KCNIP4: variants seen among roughly 807,000 people sequenced by gnomAD.
KCNIP4 encodes Kv channel-interacting protein 4.
In KCNIP4, 12 loss-of-function variants were observed where a neutral mutation model predicts 34.0. The observed-to-expected ratio is 0.35, with a 90% CI of 0.23 to 0.57. The LOEUF (loss-of-function observed/expected upper bound fraction) is 0.57, where lower values mean the gene tolerates loss of function less well. Among genes scored for constraint, KCNIP4 ranks in the 20% least tolerant of loss-of-function variants. The pLI, the probability that KCNIP4 is intolerant of heterozygous loss-of-function variation, is 0.83. For missense variants in KCNIP4, 238 were observed against 311.7 expected, an observed-to-expected ratio of 0.76 and a Z score of 1.78; for synonymous variants, 124 against 102.2, an observed-to-expected ratio of 1.21 and a Z score of -1.29.
intron 1 of KCNIP4, among the ~76,000 whole-genome samples, chr4:21,776,818 G>A (rs1719210036): frequency 1.3e-5 from 2 of 151,928 alleles, no homozygotes; most frequent in African/African-American, 4.8e-5. Context: ...ACCCAAGCTG[G>A]AGTATACAAT....
intron 1 of KCNIP4, among the ~76,000 whole-genome samples, chr4:21,830,021 G>C (rs1722885996): frequency 6.6e-6 from 1 of 151,996 alleles, no homozygotes; most frequent in Non-Finnish European, 1.5e-5. Flanking sequence ...AATTTAAATG[G>C]ATTAAATTAT....
chr4:20,871,489 G>T (rs1352007681), intron 2 of KCNIP4, among the ~76,000 whole-genome samples: 1 of 152,006 alleles, frequency 6.6e-6, no homozygotes, highest in Non-Finnish European at 1.5e-5. Context: ...AAGGGCCAGG[G>T]AGTGGCAGGG....
rs183886190 is a variant in KCNIP4 at position 21,657,102 on chromosome 4, C to T, written c.61+291469G>A. Among the ~76,000 whole-genome samples the T allele has an allele frequency of 2.6e-5, 4 of 152,274 alleles. No homozygotes were observed. In the East Asian group the frequency reaches 7.7e-4, roughly 29 times the overall value. The stretch of plus-strand genomic sequence containing the variant: ...CAGCTAGTGTGATGAATAATAATAA[C>T]AGTAATAATAGCTGAGAAATATTAA... On this transcript the variant is annotated intron_variant, in intron 1 of 8. Coordinates refer to ENST00000382152, the MANE Select transcript of KCNIP4 (RefSeq NM_025221.6).
chr4:20,989,571 C>T (rs979719319), intron 1 of KCNIP4, among the ~76,000 whole-genome samples: 4 of 152,134 alleles, frequency 2.6e-5, no homozygotes, highest in African/African-American at 9.7e-5. Context: ...GGATGGTTGG[C>T]ATTATCCGGA....
At chr4:21,754,040 C>A (rs534757104) in intron 1 of KCNIP4, among the ~76,000 whole-genome samples, 1 of 152,290 alleles carries the variant, frequency 6.6e-6, no homozygotes, top group South Asian at 2.1e-4. Context: ...CAGAAGTGTG[C>A]CCTCCTTAGG....
At chr4:21,513,312 AC>A (rs1441242157) in intron 1 of KCNIP4, among the ~76,000 whole-genome samples, 5 of 152,194 alleles carry the variant, frequency 3.3e-5, no homozygotes, top group African/African-American at 1.2e-4. Context: ...CAGGCAAATA[AC>A]TTAACAGCTC....
chr4:21,178,767 A>C (rs546977831), intron 1 of KCNIP4, among the ~76,000 whole-genome samples: 2 of 151,814 alleles, frequency 1.3e-5, no homozygotes, highest in African/African-American at 4.8e-5. Flanking sequence ...CACTGAGAAA[A>C]GGAGTCACCA....
chr4:21,464,861 C>A (rs1178555997), intron 1 of KCNIP4: 1 of 151,990 alleles, frequency 6.6e-6, no homozygotes, highest in Non-Finnish European at 1.5e-5. Flanking sequence ...TATTTCAATG[C>A]ATCCATCTCA....
chr4:21,247,289 C>T (rs1760276860), intron 1 of KCNIP4, among the ~76,000 whole-genome samples: 1 of 151,990 alleles, frequency 6.6e-6, no homozygotes, highest in African/African-American at 2.4e-5. Context: ...CTTCTGTTAG[C>T]CATCCATACC....
chr4:21,948,383 AC>A lies in KCNIP4; in HGVS notation c.61+187del, dbSNP rs1055236030. Among the ~76,000 whole-genome samples, 5 of 150,076 alleles carry A rather than the reference AC, an allele frequency of 3.3e-5. No homozygotes were observed. The East Asian group carries it at 1.0e-3, about 30-fold the overall frequency. On this transcript the variant is annotated intron_variant, in intron 1 of 8. Coordinates refer to ENST00000382152, the MANE Select transcript of KCNIP4 (RefSeq NM_025221.6). ...CTTCCCCGACCTGGATCTTGCATGC[AC>A]CCCCCTCTCCTTTGCACCCCATTCC...
In KCNIP4 at chr4:21,255,973, G is replaced by A. The variant is rs1474145792; in HGVS notation, c.62-373264C>T. 2.0e-5 allele frequency among the ~76,000 whole-genome samples: 3 copies of A among 152,182 alleles called. No homozygotes were observed. The East Asian group carries it at 5.8e-4, about 29-fold the overall frequency. ...AGTGAACCAGTCTGAATAAATCACT[G>A]CCCTTGTGTAGCTTACATTTTAGTG... On this transcript the variant is annotated intron_variant, in intron 1 of 8. Transcript: ENST00000382152.
At chr4:21,107,306 G>C (rs543211207) in intron 1 of KCNIP4, among the ~76,000 whole-genome samples, 224 of 141,050 alleles carry the variant, frequency 1.6e-3, no homozygotes, top group African/African-American at 5.9e-3. Context: ...TCTATATTTA[G>C]GATAGTTAGC....
intron 1 of KCNIP4, among the ~76,000 whole-genome samples, chr4:21,549,469 TCTC>T (rs1738386339): frequency 6.6e-6 from 1 of 151,876 alleles, no homozygotes; most frequent in Non-Finnish European, 1.5e-5. Context: ...GCCTGACATT[TCTC>T]TTGCTCCCTC....
intron 1 of KCNIP4, among the ~76,000 whole-genome samples, chr4:21,001,182 A>G (rs1258930906): frequency 1.3e-5 from 2 of 152,202 alleles, no homozygotes; most frequent in African/African-American, 2.4e-5. Context: ...ATGAATACAC[A>G]TGGTTTCCCC....
At chr4:20,913,396 A>G (rs1196310693) in intron 1 of KCNIP4, among the ~76,000 whole-genome samples, 1 of 152,208 alleles carries the variant, frequency 6.6e-6, no homozygotes, top group Non-Finnish European at 1.5e-5. Context: ...AGGGAATAGC[A>G]AGTAACTGCT....
chr4:21,007,028 G>T (rs1278640838), intron 1 of KCNIP4, among the ~76,000 whole-genome samples: 1 of 152,172 alleles, frequency 6.6e-6, no homozygotes, highest in Non-Finnish European at 1.5e-5. Flanking sequence ...GAATAATGTA[G>T]AGGGAACACT....
intron 1 of KCNIP4, among the ~76,000 whole-genome samples, chr4:21,525,083 C>G (rs955668532): frequency 3.9e-5 from 6 of 151,990 alleles, no homozygotes; most frequent in African/African-American, 1.4e-4. Context: ...AAATAATAAC[C>G]AGCAAAGTGC....
At chr4:21,449,453 T>C (rs79769507) in intron 1 of KCNIP4, among the ~76,000 whole-genome samples, 3,633 of 152,194 alleles carry the variant, frequency 0.024, 86 homozygotes, top group Admixed American at 0.042. Context: ...TTTAGGACTT[T>C]GGAGCTGATG....
intron 5 of KCNIP4, among the ~76,000 whole-genome samples, chr4:20,739,156 G>A (rs1025193622): frequency 3.9e-5 from 6 of 152,186 alleles, no homozygotes; most frequent in African/African-American, 9.6e-5. Flanking sequence ...CACCTCTGGG[G>A]GCAGGTCATA....
Sources: gnomAD v4.1 joint callset for allele counts (sites outside exome capture counted in the v4.1 genomes callset) on GRCh38, gnomAD v4.1.1 for gene constraint, MANE v1.5 for transcripts, NCBI Gene and HGNC (gene_info 2026-07-23, HGNC 2026-07-21) for gene names.